The following COL4A1 variants were observed in gnomAD, a reference collection of about 807,000 sequenced individuals.
The protein encoded by COL4A1 is collagen alpha-1(IV) chain.
In COL4A1, 40 loss-of-function variants were observed where a neutral mutation model predicts 216.6. The ratio of observed to expected loss-of-function variants is 0.18; its 90% confidence interval spans 0.14 to 0.24. COL4A1 has a LOEUF of 0.24. Ranked by LOEUF, COL4A1 falls within the 10% of genes least tolerant of loss-of-function variation. The pLI, the probability that COL4A1 is intolerant of heterozygous loss-of-function variation, is 1.00. For synonymous variants in COL4A1, 839 were observed against 810.7 expected (o/e 1.03, Z -0.59); for missense variants, 1,628 against 2,196.8 (o/e 0.74, Z 5.18).
chr13:110,208,064 C>T (rs569967118), intron 12 of COL4A1, among the ~76,000 whole-genome samples: 12 of 152,358 alleles, frequency 7.9e-5, no homozygotes, highest in Middle Eastern at 3.4e-3. Flanking sequence ...CTGTATTGGG[C>T]GCTCTGGTTG....
chr13:110,236,398 G>A (rs1881319047), intron 2 of COL4A1, among the ~76,000 whole-genome samples: 1 of 152,110 alleles, frequency 6.6e-6, no homozygotes, highest in African/African-American at 2.4e-5. Flanking sequence ...TGCTCATTTT[G>A]CATCTCTCAA....
At chr13:110,209,061 T>C (rs1451525504) in intron 11 of COL4A1, among the ~76,000 whole-genome samples, 171 bp from the exon 12 acceptor site, 4 of 152,230 alleles carry the variant, frequency 2.6e-5, no homozygotes, top group East Asian at 1.9e-4. Flanking sequence ...TCAATGTCTA[T>C]GAAAAAGTTT....
In COL4A1 at chr13:110,213,880, G is replaced by C. The variant is rs751188486; in HGVS notation, c.234+46C>G. The C allele has an allele frequency of 5.6e-6, 9 of 1,611,990 alleles. No homozygotes were observed. In the South Asian group the frequency reaches 6.6e-5, roughly 12 times the overall value. ...TTGATCACCGCTATCTCAAGAATGC[G>C]GGCAATCTTACATCCACCCACCCCC... On this transcript the variant is annotated intron_variant, in intron 3 of 51. Transcript: ENST00000375820.
At position 110,183,016 on chromosome 13, in the gene COL4A1, A is replaced by T; in HGVS notation, c.2072T>A (p.Phe691Tyr). 1 of 1,613,104 alleles carries T rather than the reference A, an allele frequency of 6.2e-7. No homozygotes were observed. The highest frequency in any genetic ancestry group is 8.5e-7 in the Non-Finnish European group (1 of 1,179,840). Residue 691 changes from phenylalanine (F) to tyrosine (Y), a missense_variant, in exon 28 of 52, where the codon TTT (phenylalanine) becomes TAT (tyrosine). Phe to Tyr is a conservative substitution (Grantham distance 22). This residue lies in a region of COL4A1 where 701 missense variants were observed against 892.5 expected (regional missense o/e 0.79). Transcript: ENST00000375820. ...ACCTTTGGGGCCGGGGGGCCCTGGA[A>T]ATCCAATGCCTGGCTGGCCCACAGC... is the stretch of plus-strand genomic sequence containing the variant. ...KGAVGQPGIG[F>Y]PGPPGPKGVD...
At position 110,166,257 on chromosome 13, in the gene COL4A1, G is replaced by A. The variant is rs150857429; in HGVS notation, c.3996C>T (p.Gly1332=). The change falls in exon 45 of 52, where the codon GGC becomes GGT. Residue 1332 remains glycine, a synonymous_variant. Coordinates refer to ENST00000375820, the MANE Select transcript of COL4A1 (RefSeq NM_001845.6). ...CTTTAGCTCCCGGGACGCCTTGATCGCCTTGATCACCTTTAATTCCCTGGA... is the reference window on the plus strand; with the variant it reads ...CTTTAGCTCCCGGGACGCCTTGATCACCTTGATCACCTTTAATTCCCTGGA... ...PGLQGIKGDQ[G]DQGVPGAKGL... The A allele has an allele frequency of 5.8e-3, 9,308 of 1,611,020 alleles. 130 individuals carry two copies. The highest frequency in any genetic ancestry group is 4.3e-3 in the Non-Finnish European group (5,021 of 1,177,212).
chr13:110,198,998 T>C (rs993338838), intron 20 of COL4A1, among the ~76,000 whole-genome samples: 3 of 152,212 alleles, frequency 2.0e-5, no homozygotes, highest in Non-Finnish European at 4.4e-5. Flanking sequence ...AAAGTGGACC[T>C]GGAGCAAAGG....
intron 43 of COL4A1, 108 bp downstream of exon 43, chr13:110,169,521 C>CACAT (rs2139154237): frequency 1.9e-6 from 3 of 1,549,660 alleles, no homozygotes; most frequent in Non-Finnish European, 8.7e-7. Context: ...CACACACACA[C>CACAT]ACACATATAT....
chr13:110,300,755 CAA>C, intron 1 of COL4A1, among the ~76,000 whole-genome samples: 1 of 152,286 alleles, frequency 6.6e-6, no homozygotes, highest in East Asian at 1.9e-4. Context: ...TATTACTAAA[CAA>C]TGGTAATTTT....
At chr13:110,218,813 G>A (rs370001929) in intron 2 of COL4A1, among the ~76,000 whole-genome samples, 1 of 152,162 alleles carries the variant, frequency 6.6e-6, no homozygotes, top group African/African-American at 2.4e-5. Context: ...GTCATCTAGC[G>A]CCTCGAGATT....
Position 110,163,542 on chromosome 13 carries a change from A to G in COL4A1, c.4170T>C (p.Gly1390=). The change falls in exon 47 of 52, where the codon GGT becomes GGC. Residue 1390 remains glycine (G), a synonymous_variant. Transcript: ENST00000375820. Reference sequence around the variant, plus strand: ...CAGGAATACCTGGAGGTCCAGGTATACCCACCAATCCTGTAACACCTGAGG... The same window carrying G: ...CAGGAATACCTGGAGGTCCAGGTATGCCCACCAATCCTGTAACACCTGAGG... ...KGQQGVTGLV[G]IPGPPGIPGF... The G allele has an allele frequency of 6.2e-7, 1 of 1,614,014 alleles. No homozygotes were observed. The highest frequency in any genetic ancestry group is 2.2e-5 in the East Asian group (1 of 44,878).
chr13:110,217,696 G>A (rs752419143), intron 2 of COL4A1, among the ~76,000 whole-genome samples: 60 of 152,238 alleles, frequency 3.9e-4, no homozygotes, highest in Admixed American at 1.4e-3. Flanking sequence ...AAAATCATAC[G>A]CCAAAGCCGG....
chr13:110,149,970 A>G lies in COL4A1; in HGVS notation c.*393T>C, dbSNP rs1876424524. The G allele has an allele frequency of 3.0e-6, 1 of 333,620 alleles. No individual in the cohort carries two copies. Among genetic ancestry groups the G allele is most frequent in the Admixed American group, 4.2e-5 (1 of 23,644 alleles). 20.7% of individuals were successfully genotyped at this position (333,620 alleles called of 1,614,324 possible). A position where few individuals can be genotyped will look rare whatever the true frequency, so the allele number is the denominator to read the frequency against. On this transcript the variant is annotated 3_prime_UTR_variant, in exon 52 of 52. Coordinates refer to ENST00000375820, the MANE Select transcript of COL4A1 (RefSeq NM_001845.6). ...CAGCTAGACAGTGATATAAACAAAC[A>G]TTTATCTCTGGGGGTAGAAAATTAA...
At chr13:110,166,759 A>T (rs1400058266) in intron 44 of COL4A1, among the ~76,000 whole-genome samples, 1 of 152,206 alleles carries the variant, frequency 6.6e-6, no homozygotes, top group African/African-American at 2.4e-5. Context: ...CCCCAGTTGG[A>T]CCACAAGACA....
At chr13:110,288,904 C>T (rs753510322) in intron 1 of COL4A1, among the ~76,000 whole-genome samples, 7 of 152,164 alleles carry the variant, frequency 4.6e-5, no homozygotes, top group Non-Finnish European at 1.0e-4. Context: ...TGGTGGCGCA[C>T]GCCTGTAATC....
chr13:110,291,971 G>A (rs1458419637), intron 1 of COL4A1, among the ~76,000 whole-genome samples: 1 of 152,190 alleles, frequency 6.6e-6, no homozygotes, highest in Non-Finnish European at 1.5e-5. Flanking sequence ...ATGCAGCTGA[G>A]AAGATGGGGT....
At chr13:110,209,320 AGAG>A in intron 11 of COL4A1, 69 bp downstream of exon 11, 2 of 1,355,838 alleles carry the variant, frequency 1.5e-6, no homozygotes, top group South Asian at 1.2e-5. Context: ...AAGAATAAGA[AGAG>A]TGAGCTATAG....
intron 1 of COL4A1, among the ~76,000 whole-genome samples, chr13:110,270,389 T>C (rs1394692950): frequency 6.6e-6 from 1 of 152,224 alleles, no homozygotes; most frequent in Non-Finnish European, 1.5e-5. Flanking sequence ...AAAACAATGG[T>C]AGAAGCAAGT....
chr13:110,295,715 C>T (rs1249161049), intron 1 of COL4A1, among the ~76,000 whole-genome samples: 2 of 152,168 alleles, frequency 1.3e-5, no homozygotes, highest in Admixed American at 6.5e-5. Flanking sequence ...CATGAGCCAC[C>T]GCACCCAGCC....
intron 22 of COL4A1, among the ~76,000 whole-genome samples, chr13:110,193,629 G>C (rs1878744015): frequency 6.6e-6 from 1 of 152,256 alleles, no homozygotes; most frequent in African/African-American, 2.4e-5. Context: ...CATCGAGGCG[G>C]CGTGGCCATG....
Sources: gnomAD v4.1 joint callset for allele counts (sites outside exome capture counted in the v4.1 genomes callset) on GRCh38, gnomAD v4.1.1 for gene constraint, gnomAD v4.1.1 regional missense constraint, MANE v1.5 for transcripts, NCBI Gene and HGNC (gene_info 2026-07-23, HGNC 2026-07-21) for gene names.